Variants in TBCK observed in about 807,000 individuals in gnomAD.
TBCK encodes the protein TBC domain-containing protein kinase-like protein.
A neutral mutation model predicts 113.4 loss-of-function variants in TBCK; 99 were observed. The ratio of observed to expected loss-of-function variants is 0.87; its 90% CI spans 0.74 to 1.03. The LOEUF (loss-of-function observed/expected upper bound fraction) is 1.03. Among genes scored for constraint, TBCK ranks in the 50% least tolerant of loss-of-function variants. The pLI is 0.00. For missense variants in TBCK, 1,045 were observed against 1,061.3 expected (o/e 0.98, Z 0.21); for synonymous variants, 369 against 370.8 (o/e 1.00, Z 0.05).
rs530629690 is a variant in TBCK, at chr4:106,295,186, C to A, written c.194-20G>T. On this transcript the variant is annotated intron_variant, in intron 2 of 25. Transcript: ENST00000394708. ...GTCGTTCTGAGAAAAACAAAGCAAA[C>A]CCATGTTATATTTTATCAATACAAC... The A allele has an allele frequency of 3.1e-6, 5 of 1,607,350 alleles. No individual in the cohort carries two copies. In the South Asian group the frequency reaches 4.4e-5, roughly 14 times the overall value.
chr4:106,316,582 T>G (rs1579620486), upstream of TBCK: 1 of 1,551,578 alleles, frequency 6.4e-7, no homozygotes, highest in South Asian at 1.2e-5. Flanking sequence ...GAACCCGTGG[T>G]CCTCCGCTTC....
rs1156532868 is a variant in TBCK, at chr4:106,252,002, G to A, written c.461C>T (p.Pro154Leu). ...GDDVDFPIGY[P>L]SYLAPEVIAQ... ...AATTACCTCAGGGGCCAAGTACGAG[G>A]GATACCTGTAATGATACATTAAAAT... The change falls in exon 6 of 26, where the codon CCC (proline) becomes CTC (leucine). Residue 154 changes from proline (P) to leucine (L), a missense_variant. Physicochemically the swap from Pro to Leu is moderately conservative, Grantham distance 98 (BLOSUM62 -3). Transcript: ENST00000394708. The A allele has an allele frequency of 6.2e-7, 1 of 1,601,434 alleles. No homozygotes were observed. Among genetic ancestry groups the A allele is most frequent in the African/African-American group, 1.3e-5 (1 of 74,336 alleles).
rs1439414431 is a variant in TBCK at position 106,042,744 on chromosome 4, G to A, written c.*3826C>T. The A allele has an allele frequency of 2.0e-5, 3 of 152,192 alleles. No individual in the cohort carries two copies. The highest frequency in any genetic ancestry group is 2.4e-5 in the African/African-American group (1 of 41,450). The allele number at this position is 152,192 out of a possible 1,614,324, so 9.4% of individuals were successfully genotyped here. On this transcript the variant is annotated 3_prime_UTR_variant, in exon 26 of 26. Transcript: ENST00000394708. ...TCCAACAAAAATCTGGCACCACTGT[G>A]TCCTCTAAAAGTTTTATATAATTCA... is the stretch of plus-strand genomic sequence containing the variant.
intron 20 of TBCK, among the ~76,000 whole-genome samples, chr4:106,212,058 C>G (rs542974318): frequency 2.4e-4 from 37 of 152,080 alleles, no homozygotes; most frequent in African/African-American, 8.2e-4. Context: ...TCAAATGTAA[C>G]AAGAAAACAA....
intron 8 of TBCK, among the ~76,000 whole-genome samples, chr4:106,248,571 C>T (rs1579389729): frequency 6.6e-6 from 1 of 152,136 alleles, no homozygotes; most frequent in East Asian, 1.9e-4. Context: ...AAAGTTTAGG[C>T]TTCATGAACT....
At chr4:106,083,962 A>G (rs1223328167) in intron 25 of TBCK, among the ~76,000 whole-genome samples, 1 of 152,174 alleles carries the variant, frequency 6.6e-6, no homozygotes, top group African/African-American at 2.4e-5. Context: ...CCAAAACTAG[A>G]CAAACTCATG....
intron 25 of TBCK, among the ~76,000 whole-genome samples, chr4:106,086,945 A>C (rs1739582655): frequency 6.6e-6 from 1 of 152,166 alleles, no homozygotes; most frequent in African/African-American, 2.4e-5. Context: ...AAATAATAAG[A>C]GTTATTTATG....
chr4:106,142,662 G>A (rs1274876493), intron 23 of TBCK, among the ~76,000 whole-genome samples: 1 of 152,094 alleles, frequency 6.6e-6, no homozygotes, highest in Non-Finnish European at 1.5e-5. Context: ...AAATGCCAAG[G>A]ATGTCAGAGA....
In TBCK at chr4:106,281,527, C is replaced by A. The variant is rs561645575; in HGVS notation, c.266+13567G>T. Among the ~76,000 whole-genome samples, 139 of 152,070 alleles carry A rather than the reference C, an allele frequency of 9.1e-4. 1 individual carries two copies. Among genetic ancestry groups the A allele is most frequent in the Non-Finnish European group, 1.7e-3 (117 of 67,942 alleles). Reference sequence around the variant, plus strand: ...AGTAAAAAGGCTTTCAGTTTTTCCCCCTTCAGTATAATGCTATTAATAGCT... The same window carrying A: ...AGTAAAAAGGCTTTCAGTTTTTCCCACTTCAGTATAATGCTATTAATAGCT... On this transcript the variant is annotated intron_variant, in intron 3 of 25. Transcript: ENST00000394708.
At chr4:106,054,413 T>C (rs1449110337) in intron 25 of TBCK, among the ~76,000 whole-genome samples, 1 of 151,688 alleles carries the variant, frequency 6.6e-6, no homozygotes. Context: ...CCACATCTTC[T>C]ATTGGCTTTC....
chr4:106,303,907 C>T (rs1767225072), intron 2 of TBCK, among the ~76,000 whole-genome samples: 2 of 152,082 alleles, frequency 1.3e-5, no homozygotes, highest in Admixed American at 1.3e-4. Context: ...GCCAAAAACT[C>T]CACCCTCGGA....
intron 20 of TBCK, among the ~76,000 whole-genome samples, chr4:106,210,345 G>C (rs1755986302): frequency 2.6e-5 from 4 of 152,116 alleles, no homozygotes; most frequent in African/African-American, 7.2e-5. Flanking sequence ...TTGAGAGCAA[G>C]AGAAACCAAC....
chr4:106,188,420 T>C (rs933636035), intron 22 of TBCK, among the ~76,000 whole-genome samples: 2 of 152,204 alleles, frequency 1.3e-5, no homozygotes, highest in East Asian at 1.9e-4. Flanking sequence ...CTAAGGCACA[T>C]ATAAACATTC....
intron 19 of TBCK, among the ~76,000 whole-genome samples, chr4:106,217,468 C>G (rs992995346): frequency 1.3e-5 from 2 of 152,116 alleles, no homozygotes; most frequent in Non-Finnish European, 2.9e-5. Context: ...TCTAGAAAAC[C>G]CCATTGTCTC....
chr4:106,270,406 C>T (rs1028860156), intron 3 of TBCK, among the ~76,000 whole-genome samples: 2 of 152,150 alleles, frequency 1.3e-5, no homozygotes, highest in Non-Finnish European at 2.9e-5. Flanking sequence ...TCATCATAGT[C>T]ACTAATTCTG....
chr4:106,145,089 G>C lies in TBCK; in HGVS notation c.2235+26006C>G, dbSNP rs937193979. On this transcript the variant is annotated intron_variant, in intron 23 of 25. Coordinates refer to ENST00000394708, the MANE Select transcript of TBCK (RefSeq NM_001163435.3). ...AATCCCAGCACTTTGGGAGGCCTAGGGGGGCAGATCAGGAAATCAAGAGAT... is the reference window on the plus strand; with the variant it reads ...AATCCCAGCACTTTGGGAGGCCTAGCGGGGCAGATCAGGAAATCAAGAGAT... Among the ~76,000 whole-genome samples the C allele has an allele frequency of 4.0e-5, 6 of 151,860 alleles. No homozygotes were observed. In the East Asian group the frequency reaches 9.7e-4, roughly 25 times the overall value.
intron 23 of TBCK, among the ~76,000 whole-genome samples, chr4:106,129,310 A>G (rs149362408): frequency 5.3e-4 from 80 of 152,264 alleles, no homozygotes; most frequent in African/African-American, 1.7e-3. Context: ...CCCCCTGGAC[A>G]GGCCCCAGTG....
intron 25 of TBCK, among the ~76,000 whole-genome samples, chr4:106,083,084 G>A (rs994365086): frequency 3.9e-5 from 6 of 152,198 alleles, no homozygotes; most frequent in African/African-American, 9.7e-5. Context: ...GGGGAGAGGC[G>A]ACCAGCACTG....
At chr4:106,312,148 A>G (rs1768264751) in intron 1 of TBCK, among the ~76,000 whole-genome samples, 1 of 152,126 alleles carries the variant, frequency 6.6e-6, no homozygotes, top group Non-Finnish European at 1.5e-5. Context: ...GTTAAAGGGA[A>G]ATATTATTTA....
Sources: gnomAD v4.1 joint callset for allele counts (sites outside exome capture counted in the v4.1 genomes callset) on GRCh38, gnomAD v4.1.1 for gene constraint, MANE v1.5 for transcripts, NCBI Gene and HGNC (gene_info 2026-07-23, HGNC 2026-07-21) for gene names.